Variants in PDGFRB observed in about 807,000 individuals in gnomAD.
The protein encoded by PDGFRB is platelet-derived growth factor receptor beta.
PDGFRB carries 42 observed loss-of-function variants against 120.2 expected under a neutral mutation model. The observed-to-expected ratio is 0.35, with a 90% CI of 0.27 to 0.45. PDGFRB has a LOEUF of 0.45. PDGFRB is among the 20% of genes least tolerant of loss of function. The probability of loss-of-function intolerance (pLI) is 1.00; values close to 1 mark genes in which losing one functional copy is unlikely to be tolerated. For synonymous variants in PDGFRB, 586 were observed against 606.8 expected (o/e 0.97, Z 0.50); for missense variants, 1,149 against 1,476.3 (o/e 0.78, Z 3.63).
chr5:150,124,862 C>T, intron 12 of PDGFRB, 31 bp from the exon 13 acceptor site: 1 of 1,188,088 alleles, frequency 8.4e-7, no homozygotes, highest in Middle Eastern at 2.7e-4. Context: ...TAGCTCCTGG[C>T]CTACCAGGAA....
intron 6 of PDGFRB, among the ~76,000 whole-genome samples, chr5:150,133,249 G>A (rs1000763061): frequency 6.6e-6 from 1 of 152,188 alleles, no homozygotes; most frequent in African/African-American, 2.4e-5. Context: ...GGGGCTTCCC[G>A]GACCTGGGAT....
At position 150,117,744 on chromosome 5, in the gene PDGFRB, G is replaced by A. The variant is rs770576414; in HGVS notation, c.3011C>T (p.Thr1004Ile). The change falls in exon 22 of 23, where the codon ACC (threonine) becomes ATC (isoleucine). Residue 1004 changes from threonine (T) to isoleucine (I), a missense_variant. Physicochemically the swap from Thr to Ile is moderately conservative, Grantham distance 89. Coordinates refer to ENST00000261799, the MANE Select transcript of PDGFRB (RefSeq NM_002609.4). Reference protein sequence around the residue: ...GFHGLRSPLDTSSVLYTAVQP... With the variant: ...GFHGLRSPLDISSVLYTAVQP... The stretch of plus-strand genomic sequence containing the variant: ...CACGGCAGTATAGAGGACGGAGCTG[G>A]TGTCCAGGGGAGATCGGAGGCCATG... 1.1e-5 allele frequency: 18 copies of A among 1,613,528 alleles called. No individual in the cohort carries two copies. The highest frequency in any genetic ancestry group is 1.4e-5 in the Non-Finnish European group (17 of 1,179,494).
In PDGFRB at chr5:150,121,101, C is replaced by T. The variant is rs1268761487; in HGVS notation, c.2464-91G>A. 8.7e-6 allele frequency: 13 copies of T among 1,487,270 alleles called. No individual in the cohort carries two copies. The highest frequency in any genetic ancestry group is 1.4e-5 in the African/African-American group (1 of 72,344). 92.1% of individuals were successfully genotyped at this position (1,487,270 alleles called of 1,614,324 possible). A position where few individuals can be genotyped will look rare whatever the true frequency, so the allele number is the denominator to read the frequency against. Reference sequence around the variant, plus strand: ...GGGCTTTGGGAAAATACAACACTGCCCATGTGCGAGAGGCCACCCTGGTGT... The same window carrying T: ...GGGCTTTGGGAAAATACAACACTGCTCATGTGCGAGAGGCCACCCTGGTGT... On this transcript the variant is annotated intron_variant, in intron 17 of 22. Transcript: ENST00000261799. This position sits in a 1 kb window ranked among gnomAD's most constrained non-coding sequence, Gnocchi z 4.1.
rs2113890060 is a variant in PDGFRB, at chr5:150,121,307, C to T, written c.2360G>A (p.Cys787Tyr). The change falls in exon 17 of 23, where the codon TGC becomes TAC. Residue 787 changes from cysteine to tyrosine, a missense_variant. Transcript: ENST00000261799. This position sits in a 1 kb window ranked among gnomAD's most constrained non-coding sequence, Gnocchi z 4.1. Reference protein sequence around the residue: ...NYVPSAPERTCRATLINESPV... With the variant: ...NYVPSAPERTYRATLINESPV... The stretch of plus-strand genomic sequence containing the variant: ...AGACTCGTTGATCAAAGTTGCTCGG[C>T]AGGTCCTCTCAGGGGCTAGAGGAGA... 6.5e-7 allele frequency: 1 copy of T among 1,529,214 alleles called. No individual in the cohort carries two copies. Among genetic ancestry groups the T allele is most frequent in the Non-Finnish European group, 9.1e-7 (1 of 1,102,354 alleles). 94.7% of individuals were successfully genotyped at this position (1,529,214 alleles called of 1,614,324 possible).
Position 150,120,391 on chromosome 5 carries a change from T to C in PDGFRB, c.2587-268A>G, listed in dbSNP as rs566761590. Among the ~76,000 whole-genome samples the C allele has an allele frequency of 3.3e-5, 5 of 152,230 alleles. No homozygotes were observed. The highest frequency in any genetic ancestry group is 7.4e-5 in the Non-Finnish European group (5 of 67,988). On this transcript the variant is annotated intron_variant, in intron 18 of 22. Transcript: ENST00000261799. The surrounding 1 kb of genome is among the most constrained non-coding windows in gnomAD (Gnocchi z 4.3). Reference sequence around the variant, plus strand: ...GCCCCAGGGTCTGAGTAGTGAAGTGTGGGAGCCAGGGACTTGTCAAGGCAC... The same window carrying C: ...GCCCCAGGGTCTGAGTAGTGAAGTGCGGGAGCCAGGGACTTGTCAAGGCAC...
At chr5:150,137,201 A>G (rs1230161010) in intron 1 of PDGFRB, 148 bp from the exon 2 acceptor site, 6 of 613,692 alleles carry the variant, frequency 9.8e-6, no homozygotes, top group Middle Eastern at 5.2e-4. Context: ...ACCACGTCCC[A>G]AGCCTGAAAG....
intron 1 of PDGFRB, among the ~76,000 whole-genome samples, chr5:150,142,749 T>G (rs1463250450): frequency 6.6e-6 from 1 of 152,312 alleles, no homozygotes; most frequent in Admixed American, 6.5e-5. Flanking sequence ...TTATAAAGTT[T>G]TATTTATAAA....
At chr5:150,135,128 G>T in intron 3 of PDGFRB, 112 bp from the exon 4 acceptor site, 2 of 635,948 alleles carry the variant, frequency 3.1e-6, no homozygotes, top group East Asian at 5.3e-5. Flanking sequence ...CCCCGTTACA[G>T]AATAGGGATG....
chr5:150,137,014 G>A lies in PDGFRB; in HGVS notation c.34C>T (p.Leu12Phe), dbSNP rs746497331. 1 of 1,613,364 alleles carries A rather than the reference G, an allele frequency of 6.2e-7. No homozygotes were observed. Among genetic ancestry groups the A allele is most frequent in the Admixed American group, 1.7e-5 (1 of 59,980 alleles). ...TTATCTCCCATCTACCCACCTTTGA[G>A]GGCCAGAGCTGGCATCGCACCCGGA... ...RLPGAMPALA[L>F]KGELLLLSLL... is the part of the protein sequence containing the mutation. Residue 12 changes from leucine (L) to phenylalanine (F), a missense_variant, in exon 2 of 23, where the codon CTC becomes TTC. Leu to Phe is a conservative substitution (Grantham distance 22, BLOSUM62 0). Transcript: ENST00000261799.
chr5:150,121,322 G>A lies in PDGFRB; in HGVS notation c.2345C>T (p.Ala782Val), dbSNP rs2113890140. The A allele has an allele frequency of 1.4e-6, 2 of 1,409,178 alleles. No individual in the cohort carries two copies. Among genetic ancestry groups the A allele is most frequent in the African/African-American group, 1.4e-5 (1 of 71,078 alleles). 87.3% of individuals were successfully genotyped at this position (1,409,178 alleles called of 1,614,324 possible). A position where few individuals can be genotyped will look rare whatever the true frequency, so the allele number is the denominator to read the frequency against. Reference sequence around the variant, plus strand: ...AGTTGCTCGGCAGGTCCTCTCAGGGGCTAGAGGAGAAGCAGAGGGTCACCT... The same window carrying A: ...AGTTGCTCGGCAGGTCCTCTCAGGGACTAGAGGAGAAGCAGAGGGTCACCT... ...MAPYDNYVPSAPERTCRATLI... is the reference protein window; with the variant it reads ...MAPYDNYVPSVPERTCRATLI... Residue 782 changes from alanine to valine, a missense_variant and splice_region_variant, in exon 17 of 23, where the codon GCC becomes GTC. By Grantham distance (64) the Ala-to-Val change is moderately conservative. Transcript: ENST00000261799. This position sits in a 1 kb window ranked among gnomAD's most constrained non-coding sequence, Gnocchi z 4.1.
chr5:150,125,374 A>T, intron 12 of PDGFRB, 71 bp downstream of exon 12: 1 of 1,411,194 alleles, frequency 7.1e-7, no homozygotes, highest in Non-Finnish European at 9.7e-7. Context: ...CAAGGCTGGG[A>T]CCAGACCTCA....
chr5:150,123,163 C>T lies in PDGFRB; in HGVS notation c.2062G>A (p.Asp688Asn), dbSNP rs1249635203. The stretch of plus-strand genomic sequence containing the variant: ...TTGCGGTGCAGGTAGTCCACCAGGT[C>T]TCCGTAGCGGCAGTACTCAGTGATG... Reference protein sequence around the residue: ...YIITEYCRYGDLVDYLHRNKH... With the variant: ...YIITEYCRYGNLVDYLHRNKH... Residue 688 changes from aspartate to asparagine, a missense_variant, in exon 15 of 23, where the codon GAC becomes AAC. Physicochemically the swap from Asp to Asn is conservative, Grantham distance 23. Coordinates refer to ENST00000261799, the MANE Select transcript of PDGFRB (RefSeq NM_002609.4). 4 of 1,613,764 alleles carry T rather than the reference C, an allele frequency of 2.5e-6. No individual in the cohort carries two copies. The African/African-American group carries it at 5.3e-5, about 22-fold the overall frequency.
intron 10 of PDGFRB, among the ~76,000 whole-genome samples, chr5:150,128,511 T>C (rs1472146404): frequency 6.6e-6 from 1 of 152,142 alleles, no homozygotes; most frequent in Non-Finnish European, 1.5e-5. Context: ...AGCACTTCCT[T>C]CCCCTTTATC....
intron 1 of PDGFRB, among the ~76,000 whole-genome samples, chr5:150,137,851 C>G (rs1334939283): frequency 6.6e-6 from 1 of 152,102 alleles, no homozygotes; most frequent in African/African-American, 2.4e-5. Context: ...GAGAGGGAGA[C>G]AGAGAGAAAG....
chr5:150,131,940 G>C (rs1281349053), intron 8 of PDGFRB, 39 bp downstream of exon 8: 1 of 1,059,934 alleles, frequency 9.4e-7, no homozygotes, highest in African/African-American at 1.5e-5. Context: ...GGGCAGGGAG[G>C]GGAAGGAGCA....
intron 1 of PDGFRB, among the ~76,000 whole-genome samples, chr5:150,150,359 A>C (rs1326473355): frequency 1.3e-5 from 2 of 152,128 alleles, no homozygotes; most frequent in Admixed American, 1.3e-4. Flanking sequence ...GACCCCCAAA[A>C]GTCCTTTTCA....
chr5:150,117,380 A>T (rs1759968650), intron 22 of PDGFRB, among the ~76,000 whole-genome samples: 1 of 152,202 alleles, frequency 6.6e-6, no homozygotes, highest in South Asian at 2.1e-4. Flanking sequence ...CTACCTTGCA[A>T]GTAAGTCCCA....
At position 150,119,524 on chromosome 5, in the gene PDGFRB, T is replaced by A; in HGVS notation, c.2741A>T (p.Tyr914Phe). The A allele has an allele frequency of 6.2e-7, 1 of 1,613,582 alleles. No individual in the cohort carries two copies. The highest frequency in any genetic ancestry group is 8.5e-7 in the Non-Finnish European group (1 of 1,179,466). Residue 914 changes from tyrosine to phenylalanine, a missense_variant, in exon 20 of 23, where the codon TAC (tyrosine) becomes TTC (phenylalanine). This residue lies in a region of PDGFRB where 68 missense variants were observed against 153.3 expected (regional missense o/e 0.44). Transcript: ENST00000261799. Reference protein sequence around the residue: ...YPELPMNEQFYNAIKRGYRMA... With the variant: ...YPELPMNEQFFNAIKRGYRMA... The stretch of plus-strand genomic sequence containing the variant: ...GCGGTAACCCCGTTTGATGGCATTG[T>A]AGAACTGCTCGTTCATGGGCAGCTC...
At chr5:150,127,833 TAAAAAAAAAAA>T (rs56899708) in intron 10 of PDGFRB, among the ~76,000 whole-genome samples, 6 of 62,434 alleles carry the variant, frequency 9.6e-5, no homozygotes, top group Non-Finnish European at 1.7e-4. Context: ...GACTCCATCT[TAAAAAAAAAAA>T]AAAAAAAAAA....
Sources: gnomAD v4.1 joint callset for allele counts (sites outside exome capture counted in the v4.1 genomes callset) on GRCh38, gnomAD v4.1.1 for gene constraint, gnomAD v4.1.1 regional missense constraint, Gnocchi (gnomAD v3.1) non-coding constraint, MANE v1.5 for transcripts, NCBI Gene and HGNC (gene_info 2026-07-23, HGNC 2026-07-21) for gene names.